MTHFD2L: variants seen among roughly 807,000 people sequenced by gnomAD.
MTHFD2L encodes bifunctional methylenetetrahydrofolate dehydrogenase/cyclohydrolase 2, mitochondrial.
Under a neutral mutation model 34.9 loss-of-function variants are expected in MTHFD2L, and 29 were observed. That is an observed-to-expected ratio of 0.83 (90% CI 0.62 to 1.13). The LOEUF (loss-of-function observed/expected upper bound fraction) is 1.13, where lower values mean the gene tolerates loss of function less well. Among genes scored for constraint, MTHFD2L ranks in the 50% most tolerant of loss-of-function variants. The pLI, the probability that MTHFD2L is intolerant of heterozygous loss-of-function variation, is 0.00. For missense variants in MTHFD2L, 481 were observed against 446.5 expected (o/e 1.08, Z -0.70); for synonymous variants, 167 against 155.7 (o/e 1.07, Z -0.54).
upstream of MTHFD2L, among the ~76,000 whole-genome samples, chr4:74,118,497 G>A (rs917641008): frequency 3.3e-5 from 5 of 152,136 alleles, no homozygotes; most frequent in Non-Finnish European, 7.3e-5. Flanking sequence ...CTGTAAATGT[G>A]TTAAAGTCTG....
chr4:74,253,812 A>G (rs1238101543), intron 6 of MTHFD2L, among the ~76,000 whole-genome samples: 2 of 152,070 alleles, frequency 1.3e-5, no homozygotes, highest in African/African-American at 2.4e-5. Flanking sequence ...GAACACCAGG[A>G]CCCAGGCCTG....
At chr4:74,199,717 A>G in intron 3 of MTHFD2L, 77 bp from the exon 4 acceptor site, 5 of 1,241,340 alleles carry the variant, frequency 4.0e-6, no homozygotes, top group Non-Finnish European at 5.6e-6. Flanking sequence ...ATGTGGCTTT[A>G]GATTCTCAGA....
At chr4:74,139,393 T>A (rs2109829683) in intron 1 of MTHFD2L, among the ~76,000 whole-genome samples, 1 of 152,330 alleles carries the variant, frequency 6.6e-6, no homozygotes, top group African/African-American at 2.4e-5. Context: ...TATCCAGGGC[T>A]AGGGATGGTA....
intron 6 of MTHFD2L, among the ~76,000 whole-genome samples, chr4:74,239,136 C>T (rs937448703): frequency 1.3e-5 from 2 of 152,082 alleles, no homozygotes; most frequent in Non-Finnish European, 2.9e-5. Context: ...ACATATACAC[C>T]ATGGAATACT....
At chr4:74,239,592 T>G (rs1318714613) in intron 6 of MTHFD2L, among the ~76,000 whole-genome samples, 1 of 152,170 alleles carries the variant, frequency 6.6e-6, no homozygotes, top group African/African-American at 2.4e-5. Flanking sequence ...ATGACTTACC[T>G]TTGTTACAAA....
chr4:74,160,821 A>G (rs1433955750), intron 1 of MTHFD2L: 2 of 152,362 alleles, frequency 1.3e-5, no homozygotes, highest in East Asian at 1.9e-4. Context: ...ATAGCAGCCC[A>G]TCCCATTTGG....
intron 7 of MTHFD2L, among the ~76,000 whole-genome samples, chr4:74,285,640 A>G (rs965858882): frequency 6.6e-6 from 1 of 152,140 alleles, no homozygotes; most frequent in African/African-American, 2.4e-5. Flanking sequence ...TTTATAGACC[A>G]CAGTAAGAGA....
At chr4:74,145,915 G>A (rs1193396288) in intron 1 of MTHFD2L, among the ~76,000 whole-genome samples, 5 of 152,002 alleles carry the variant, frequency 3.3e-5, no homozygotes, top group South Asian at 2.1e-4. Flanking sequence ...CCGAGAAGTC[G>A]AAGCTGCTAT....
intron 5 of MTHFD2L, among the ~76,000 whole-genome samples, chr4:74,221,987 C>A (rs1738277814): frequency 6.6e-6 from 1 of 151,764 alleles, no homozygotes; most frequent in African/African-American, 2.4e-5. Flanking sequence ...TTGTCTCCGA[C>A]CTGCTATTTG....
At chr4:74,130,227 C>T (rs1159573133) in intron 1 of MTHFD2L, among the ~76,000 whole-genome samples, 2 of 152,140 alleles carry the variant, frequency 1.3e-5, no homozygotes, top group African/African-American at 4.8e-5. Flanking sequence ...TCCTCCCTAA[C>T]TCATTTTATG....
intron 1 of MTHFD2L, among the ~76,000 whole-genome samples, chr4:74,134,404 A>T (rs1418832790): frequency 1.3e-5 from 2 of 152,036 alleles, no homozygotes; most frequent in South Asian, 2.1e-4. Flanking sequence ...TGCCATGGCC[A>T]TTTGCAAAAG....
At chr4:74,205,428 A>G (rs1735124767) in intron 5 of MTHFD2L, among the ~76,000 whole-genome samples, 1 of 152,236 alleles carries the variant, frequency 6.6e-6, no homozygotes, top group Admixed American at 6.5e-5. Context: ...TCCAGAAGAC[A>G]TGCAGAACCC....
intron 6 of MTHFD2L, among the ~76,000 whole-genome samples, chr4:74,270,820 T>C (rs1472352109): frequency 6.6e-6 from 1 of 152,046 alleles, no homozygotes; most frequent in Non-Finnish European, 1.5e-5. Flanking sequence ...CTCCACATCC[T>C]CTCCAGCACC....
At chr4:74,201,968 C>G (rs892457752) in intron 5 of MTHFD2L, among the ~76,000 whole-genome samples, 5 of 152,130 alleles carry the variant, frequency 3.3e-5, no homozygotes, top group African/African-American at 9.7e-5. Flanking sequence ...TAGCTAGATA[C>G]AGAATAGCTC....
intron 6 of MTHFD2L, among the ~76,000 whole-genome samples, chr4:74,262,234 T>C (rs936801532): frequency 6.6e-6 from 1 of 151,910 alleles, no homozygotes; most frequent in Non-Finnish European, 1.5e-5. Flanking sequence ...CATACAAATA[T>C]ATTTCAGATG....
rs1175328699 is a variant in MTHFD2L at position 74,246,304 on chromosome 4, T to C, written c.805+20910T>C. On this transcript the variant is annotated intron_variant, in intron 6 of 7. Transcript: ENST00000325278. ...TTGAGAAGTGTCTGTTCATGTCCTT[T>C]GCCCACTTTTTGATGGGGTTGTTTG... 3.3e-5 allele frequency among the ~76,000 whole-genome samples: 5 copies of C among 151,944 alleles called. No individual in the cohort carries two copies. The South Asian group carries it at 6.3e-4, about 19-fold the overall frequency.
At chr4:74,284,150 G>C (rs759996437) in intron 7 of MTHFD2L, among the ~76,000 whole-genome samples, 1 of 152,142 alleles carries the variant, frequency 6.6e-6, no homozygotes, top group Non-Finnish European at 1.5e-5. Context: ...CCCGTTAAAA[G>C]TAGGTAACAT....
chr4:74,227,022 C>G (rs1403725487), intron 6 of MTHFD2L, among the ~76,000 whole-genome samples: 1 of 152,126 alleles, frequency 6.6e-6, no homozygotes, highest in Non-Finnish European at 1.5e-5. Context: ...TGTCCACCAG[C>G]CCCAGTGTCT....
chr4:74,257,188 T>C (rs1322757815), intron 6 of MTHFD2L, among the ~76,000 whole-genome samples: 1 of 152,174 alleles, frequency 6.6e-6, no homozygotes, highest in African/African-American at 2.4e-5. Context: ...CTTGTTTATA[T>C]GTATTTCTAG....
Sources: allele counts gnomAD v4.1 joint callset (sites outside exome capture counted in the v4.1 genomes callset), GRCh38; gene constraint gnomAD v4.1.1; transcripts MANE v1.5; gene names NCBI Gene and HGNC (gene_info 2026-07-23, HGNC 2026-07-21).